Variants in EPM2A observed in about 807,000 individuals in gnomAD.
EPM2A encodes laforin.
A neutral mutation model predicts 26.5 loss-of-function variants in EPM2A; 21 were observed. That is an observed-to-expected ratio of 0.79 (90% CI 0.56 to 1.14). The LOEUF is 1.14. EPM2A is among the 50% of genes most tolerant of loss of function. The probability of loss-of-function intolerance (pLI) is 0.00; values close to 1 mark genes in which losing one functional copy is unlikely to be tolerated. For missense variants in EPM2A, 458 were observed against 440.8 expected (o/e 1.04, Z -0.35); for synonymous variants, 217 against 177.6 (o/e 1.22, Z -1.76).
chr6:145,389,712 G>C (rs990577091), intron 4 of EPM2A, among the ~76,000 whole-genome samples: 3 of 152,072 alleles, frequency 2.0e-5, no homozygotes, highest in African/African-American at 7.2e-5. Context: ...AAGTTTCCTT[G>C]CTTGATAAGC....
intron 1 of EPM2A, among the ~76,000 whole-genome samples, chr6:145,688,894 A>G (rs1014180874): frequency 2.0e-5 from 3 of 152,208 alleles, no homozygotes; most frequent in African/African-American, 7.2e-5. Flanking sequence ...ATGGAGGGGA[A>G]CTGTCATAGT....
intron 4 of EPM2A, among the ~76,000 whole-genome samples, chr6:145,412,706 A>G (rs952152295): frequency 2.0e-5 from 3 of 152,176 alleles, no homozygotes; most frequent in Non-Finnish European, 2.9e-5. Context: ...GATGCTGTTC[A>G]TTTCTCATCT....
chr6:145,482,317 T>C (rs896447436), intron 4 of EPM2A, among the ~76,000 whole-genome samples: 2 of 152,120 alleles, frequency 1.3e-5, no homozygotes, highest in African/African-American at 4.8e-5. Flanking sequence ...AAAAATGCAA[T>C]AGTTTGCAAT....
chr6:145,506,786 G>T (rs1325774091), intron 2 of EPM2A, among the ~76,000 whole-genome samples: 1 of 152,190 alleles, frequency 6.6e-6, no homozygotes, highest in African/African-American at 2.4e-5. Context: ...GATTAGGATA[G>T]CTGAAGCCAA....
At chr6:145,658,498 C>T (rs922029371) in intron 2 of EPM2A, among the ~76,000 whole-genome samples, 2 of 152,130 alleles carry the variant, frequency 1.3e-5, no homozygotes, top group Non-Finnish European at 2.9e-5. Flanking sequence ...GGATGCTTTT[C>T]CTATTCTTTT....
Position 145,669,866 on chromosome 6 carries a change from T to C in EPM2A, c.476+16256A>G, listed in dbSNP as rs531780315. Among the ~76,000 whole-genome samples the C allele has an allele frequency of 2.6e-5, 4 of 152,330 alleles. No individual in the cohort carries two copies. The South Asian group carries it at 8.3e-4, about 32-fold the overall frequency. Reference sequence around the variant, plus strand: ...TATATTCCATTAGTCACCCAGTCCATGTATCTCATTCAAACCTAAATCTTC... The same window carrying C: ...TATATTCCATTAGTCACCCAGTCCACGTATCTCATTCAAACCTAAATCTTC... On this transcript the variant is annotated intron_variant, in intron 2 of 3. Coordinates refer to ENST00000367519, the MANE Select transcript of EPM2A (RefSeq NM_005670.4).
chr6:145,643,582 A>G (rs865959034), intron 2 of EPM2A, among the ~76,000 whole-genome samples: 5 of 152,316 alleles, frequency 3.3e-5, no homozygotes, highest in Middle Eastern at 3.4e-3. Flanking sequence ...GTACACAATG[A>G]AACAGATTTA....
intron 2 of EPM2A, among the ~76,000 whole-genome samples, chr6:145,589,080 T>C (rs1781235958): frequency 6.6e-6 from 1 of 152,140 alleles, no homozygotes; most frequent in South Asian, 2.1e-4. Context: ...TCTTCCAAAA[T>C]ATTCGTCTAT....
chr6:145,405,684 T>C (rs1778557852), intron 4 of EPM2A, among the ~76,000 whole-genome samples: 1 of 152,140 alleles, frequency 6.6e-6, no homozygotes, highest in African/African-American at 2.4e-5. Context: ...CTGAAATAAG[T>C]TGTTGAATTT....
intron 2 of EPM2A, among the ~76,000 whole-genome samples, chr6:145,588,258 C>A (rs1198300776): frequency 6.6e-6 from 1 of 152,066 alleles, no homozygotes; most frequent in Non-Finnish European, 1.5e-5. Context: ...TGGAAAGAAC[C>A]TAATGAAAAC....
At chr6:145,453,829 G>A (rs1394029922) in intron 4 of EPM2A, among the ~76,000 whole-genome samples, 2 of 152,116 alleles carry the variant, frequency 1.3e-5, no homozygotes, top group Non-Finnish European at 2.9e-5. Context: ...CCTATAAAAA[G>A]CTCTGAGAAT....
At chr6:145,616,271 C>G (rs1361799071) in intron 2 of EPM2A, among the ~76,000 whole-genome samples, 1 of 152,222 alleles carries the variant, frequency 6.6e-6, no homozygotes, top group African/African-American at 2.4e-5. Flanking sequence ...GGCTTCAGAG[C>G]GAGCAAGCCT....
upstream of EPM2A, chr6:145,735,978 C>G (rs926150596): frequency 6.6e-6 from 1 of 152,058 alleles, no homozygotes; most frequent in Non-Finnish European, 1.5e-5. Context: ...CGCTCCCTAT[C>G]TTAACCAAGT....
chr6:145,530,596 T>C (rs1281106313), intron 2 of EPM2A, among the ~76,000 whole-genome samples: 1 of 151,844 alleles, frequency 6.6e-6, no homozygotes, highest in Non-Finnish European at 1.5e-5. Context: ...TCCTCATCTA[T>C]AAAACAAAGA....
intron 4 of EPM2A, among the ~76,000 whole-genome samples, chr6:145,397,345 G>A (rs1464094506): frequency 1.3e-5 from 2 of 152,158 alleles, no homozygotes; most frequent in African/African-American, 4.8e-5. Context: ...GGAGGTAGAG[G>A]CAGGAGAACT....
chr6:145,423,622 G>A (rs1778817689), intron 4 of EPM2A, among the ~76,000 whole-genome samples: 1 of 152,198 alleles, frequency 6.6e-6, no homozygotes, highest in African/African-American at 2.4e-5. Flanking sequence ...ATAAGCTGAA[G>A]GGTTTTTACC....
chr6:145,596,169 G>A (rs576557817), intron 2 of EPM2A, among the ~76,000 whole-genome samples: 3 of 152,276 alleles, frequency 2.0e-5, no homozygotes, highest in Non-Finnish European at 4.4e-5. Context: ...TGTTTATTGT[G>A]ATTGACAACT....
intron 1 of EPM2A, chr6:145,722,749 G>T (rs1427867260): frequency 2.2e-6 from 1 of 453,618 alleles, no homozygotes; most frequent in Non-Finnish European, 4.4e-6. Flanking sequence ...TTAAAATGAG[G>T]TAATTAGGGG....
At chr6:145,657,346 C>T (rs1778373520) in intron 2 of EPM2A, among the ~76,000 whole-genome samples, 1 of 152,076 alleles carries the variant, frequency 6.6e-6, no homozygotes, top group South Asian at 2.1e-4. Context: ...CTTCAGCCTA[C>T]CAAATGTGCT....
Sources: gnomAD v4.1 joint callset for allele counts (sites outside exome capture counted in the v4.1 genomes callset) on GRCh38, gnomAD v4.1.1 for gene constraint, MANE v1.5 for transcripts, NCBI Gene and HGNC (gene_info 2026-07-23, HGNC 2026-07-21) for gene names.